Variants in STXBP5L observed in about 807,000 individuals in gnomAD.
The protein encoded by STXBP5L is syntaxin-binding protein 5-like.
A neutral mutation model predicts 144.5 loss-of-function variants in STXBP5L; 65 were observed. The ratio of observed to expected loss-of-function variants is 0.45; its 90% CI spans 0.37 to 0.55. STXBP5L has a LOEUF of 0.55. STXBP5L is among the 20% of genes least tolerant of loss of function. The pLI, the probability that STXBP5L is intolerant of heterozygous loss-of-function variation, is 0.00. For synonymous variants in STXBP5L, 505 were observed against 469.6 expected (o/e 1.08, Z -0.97); for missense variants, 1,298 against 1,405.5 (o/e 0.92, Z 1.22).
intron 5 of STXBP5L, among the ~76,000 whole-genome samples, chr3:121,081,853 C>T (rs180983705): frequency 6.6e-6 from 1 of 152,316 alleles, no homozygotes; most frequent in East Asian, 1.9e-4. Context: ...CTCAGCTCCC[C>T]TGCCAGACTA....
intron 5 of STXBP5L, among the ~76,000 whole-genome samples, chr3:121,098,951 T>C (rs2107771637): frequency 6.6e-6 from 1 of 152,242 alleles, no homozygotes; most frequent in East Asian, 1.9e-4. Context: ...ACCTCACAGA[T>C]CCTGCAATTC....
intron 9 of STXBP5L, among the ~76,000 whole-genome samples, chr3:121,183,646 GAA>G (rs552427625): frequency 6.7e-6 from 1 of 149,776 alleles, no homozygotes; most frequent in Non-Finnish European, 1.5e-5. Context: ...AGGAAAGAAA[GAA>G]AAAAGAAAGA....
intron 9 of STXBP5L, among the ~76,000 whole-genome samples, chr3:121,186,294 C>A (rs2047378917): frequency 6.6e-6 from 1 of 152,300 alleles, no homozygotes; most frequent in Non-Finnish European, 1.5e-5. Flanking sequence ...TTATTTCCTT[C>A]TCCTGCCTGA....
intron 5 of STXBP5L, among the ~76,000 whole-genome samples, chr3:121,097,488 G>A (rs369214589): frequency 4.6e-5 from 7 of 152,196 alleles, no homozygotes; most frequent in Admixed American, 1.3e-4. Context: ...CAAAGACCAT[G>A]GGACAAATGC....
intron 9 of STXBP5L, among the ~76,000 whole-genome samples, chr3:121,190,497 C>T (rs1221577977): frequency 1.3e-5 from 2 of 152,202 alleles, no homozygotes; most frequent in Admixed American, 1.3e-4. Context: ...CTTTCTTTTC[C>T]CCACATTTCC....
intron 5 of STXBP5L, among the ~76,000 whole-genome samples, chr3:121,068,963 G>A (rs1192388586): frequency 6.6e-6 from 1 of 152,088 alleles, no homozygotes; most frequent in Non-Finnish European, 1.5e-5. Flanking sequence ...GAGGTTTTAT[G>A]TTCAATTCAC....
At chr3:121,300,722 T>C (rs1431518676) in intron 19 of STXBP5L, among the ~76,000 whole-genome samples, 1 of 150,976 alleles carries the variant, frequency 6.6e-6, no homozygotes, top group Non-Finnish European at 1.5e-5. Flanking sequence ...AGAGTAACAG[T>C]AAACAAACAA....
At chr3:120,933,528 G>A (rs1710079145) in intron 2 of STXBP5L, among the ~76,000 whole-genome samples, 1 of 152,018 alleles carries the variant, frequency 6.6e-6, no homozygotes, top group Non-Finnish European at 1.5e-5. Flanking sequence ...TATATATTTT[G>A]ATGAGAGCAT....
At chr3:120,933,929 G>A (rs1710107391) in intron 2 of STXBP5L, among the ~76,000 whole-genome samples, 2 of 152,022 alleles carry the variant, frequency 1.3e-5, no homozygotes, top group Admixed American at 1.3e-4. Flanking sequence ...TTAAAGGAAT[G>A]ATTGTAGTTT....
intron 2 of STXBP5L, among the ~76,000 whole-genome samples, chr3:120,940,858 G>A (rs1307618743): frequency 1.3e-5 from 2 of 151,486 alleles, no homozygotes; most frequent in African/African-American, 4.8e-5. Flanking sequence ...CAAGAATTGG[G>A]CCTGTTAATA....
chr3:121,017,153 C>T (rs9828540), intron 3 of STXBP5L, among the ~76,000 whole-genome samples: 15,120 of 152,082 alleles, frequency 0.099, 1,185 homozygotes, highest in Admixed American at 0.2. Context: ...TTAATGTAAA[C>T]CATCACACCA....
At chr3:121,102,775 T>G (rs2043496714) in intron 5 of STXBP5L, among the ~76,000 whole-genome samples, 1 of 152,132 alleles carries the variant, frequency 6.6e-6, no homozygotes, top group African/African-American at 2.4e-5. Context: ...TACTACAGAA[T>G]GGTAGAACAT....
In STXBP5L at chr3:121,047,698, G is replaced by T. The variant is rs371472610; in HGVS notation, c.470+2163G>T. On this transcript the variant is annotated intron_variant, in intron 5 of 26. Transcript: ENST00000471454. ...GCTTTTTTCTGACTGCCATTTGCTT[G>T]GTAGATTTTCCTCTATCCCTTTACT... 2.6e-5 allele frequency among the ~76,000 whole-genome samples: 4 copies of T among 152,048 alleles called. No individual in the cohort carries two copies. The South Asian group carries it at 8.3e-4, about 31-fold the overall frequency.
chr3:121,187,478 C>T (rs1454378966), intron 9 of STXBP5L, among the ~76,000 whole-genome samples: 1 of 151,210 alleles, frequency 6.6e-6, no homozygotes, highest in Non-Finnish European at 1.5e-5. Flanking sequence ...TTAATGGGTG[C>T]AGCATACCAA....
chr3:120,985,993 A>C (rs189677185), intron 3 of STXBP5L, among the ~76,000 whole-genome samples: 1 of 151,578 alleles, frequency 6.6e-6, no homozygotes, highest in Non-Finnish European at 1.5e-5. Context: ...CTAGTTCCTT[A>C]TGTTATAAAG....
At chr3:121,080,078 CCTT>C (rs1267725901) in intron 5 of STXBP5L, among the ~76,000 whole-genome samples, 1 of 151,992 alleles carries the variant, frequency 6.6e-6, no homozygotes, top group Non-Finnish European at 1.5e-5. Context: ...TATATAATGT[CCTT>C]CTTTGTCTTT....
At chr3:121,302,532 T>G (rs1388033361) in intron 19 of STXBP5L, among the ~76,000 whole-genome samples, 1 of 152,150 alleles carries the variant, frequency 6.6e-6, no homozygotes, top group Admixed American at 6.5e-5. Flanking sequence ...GTTTTTTATG[T>G]CTCTATCTCT....
At chr3:120,978,572 G>A (rs1941364647) in intron 3 of STXBP5L, among the ~76,000 whole-genome samples, 2 of 152,210 alleles carry the variant, frequency 1.3e-5, no homozygotes, top group Admixed American at 1.3e-4. Flanking sequence ...ATCCAGGTTT[G>A]TTCTGTTGCT....
rs574323347 is a variant in STXBP5L, at chr3:121,362,429, G to A, written c.2177-16287G>A. Among the ~76,000 whole-genome samples the A allele has an allele frequency of 1.3e-3, 191 of 152,274 alleles. 1 individual carries two copies. Among genetic ancestry groups the A allele is most frequent in the African/African-American group, 4.2e-3 (173 of 41,560 alleles). On this transcript the variant is annotated intron_variant, in intron 20 of 26. Transcript: ENST00000471454. ...CCAGAAGTGCTGTCTGGGAGCCAGG[G>A]CTGGCACTCAAAACACAAGACAGAG...
Sources: gnomAD v4.1 joint callset for allele counts (sites outside exome capture counted in the v4.1 genomes callset) on GRCh38, gnomAD v4.1.1 for gene constraint, MANE v1.5 for transcripts, NCBI Gene and HGNC (gene_info 2026-07-23, HGNC 2026-07-21) for gene names.